SDK1: variants seen among roughly 807,000 people sequenced by gnomAD.
SDK1 encodes the protein sidekick cell adhesion molecule 1.
In SDK1, 157 loss-of-function variants were observed where a neutral mutation model predicts 245.5. The ratio of observed to expected loss-of-function variants is 0.64; its 90% CI spans 0.56 to 0.73. SDK1 has a LOEUF of 0.73. SDK1 is among the 30% of genes least tolerant of loss of function. SDK1 has a pLI of 0.00. For missense variants in SDK1, 3,583 were observed against 3,002.3 expected, an observed-to-expected ratio of 1.19 and a Z score of -4.52; for synonymous variants, 1,647 against 1,278.5, an observed-to-expected ratio of 1.29 and a Z score of -6.15.
intron 1 of SDK1, among the ~76,000 whole-genome samples, chr7:3,484,018 G>T (rs373793140): frequency 4.7e-4 from 71 of 152,268 alleles, no homozygotes; most frequent in Middle Eastern, 6.8e-3. Context: ...GGGTAATTGG[G>T]ATATCTGTCA....
intron 44 of SDK1, among the ~76,000 whole-genome samples, chr7:4,261,010 T>G (rs139477564): frequency 9.8e-5 from 15 of 152,302 alleles, no homozygotes; most frequent in Non-Finnish European, 2.1e-4. Context: ...TTATACTTAA[T>G]GTTCGGAGAA....
intron 1 of SDK1, among the ~76,000 whole-genome samples, chr7:3,599,423 T>C (rs879929320): frequency 6.6e-6 from 1 of 152,228 alleles, no homozygotes; most frequent in Non-Finnish European, 1.5e-5. Context: ...TCTGTGTCTG[T>C]CTTCTCATCT....
chr7:3,779,640 TAAG>T (rs1177048182), intron 4 of SDK1, among the ~76,000 whole-genome samples: 2 of 152,092 alleles, frequency 1.3e-5, no homozygotes, highest in African/African-American at 4.8e-5. Flanking sequence ...ATAATAAAGT[TAAG>T]ATGATGAGTC....
intron 4 of SDK1, among the ~76,000 whole-genome samples, chr7:3,780,760 C>A (rs775610683): frequency 2.0e-5 from 3 of 151,996 alleles, no homozygotes; most frequent in Non-Finnish European, 4.4e-5. Context: ...CACCTCCTGG[C>A]ATTTTGGATA....
chr7:3,444,398 A>C (rs1284618578), intron 1 of SDK1, among the ~76,000 whole-genome samples: 1 of 151,814 alleles, frequency 6.6e-6, no homozygotes, highest in African/African-American at 2.4e-5. Flanking sequence ...CTTCTTTCTT[A>C]TTTTTGTATT....
chr7:4,110,743 C>T lies in SDK1; in HGVS notation c.3405C>T (p.Ile1135=), dbSNP rs760999699. 35 of 1,613,224 alleles carry T rather than the reference C, an allele frequency of 2.2e-5. No homozygotes were observed. The East Asian group carries it at 7.6e-4, about 35-fold the overall frequency. ...AGCCTGATGCCCAGATGCTGGAGAT[C>T]CCAAACCTCACACCCTACACTCACT... ...ENEPDAQMLE[I]PNLTPYTHYR... Residue 1135 remains isoleucine, a synonymous_variant, in exon 23 of 45, where the codon ATC becomes ATT. Coordinates refer to ENST00000404826, the MANE Select transcript of SDK1 (RefSeq NM_152744.4).
chr7:4,076,854 C>T (rs929852360), intron 20 of SDK1, 144 bp from the exon 21 acceptor site: 3 of 659,976 alleles, frequency 4.5e-6, no homozygotes, highest in African/African-American at 3.6e-5. Flanking sequence ...TGTCTCATGT[C>T]AGTAGCACAG....
chr7:4,242,595 A>C (rs1377008351), intron 43 of SDK1, among the ~76,000 whole-genome samples: 1 of 151,922 alleles, frequency 6.6e-6, no homozygotes, highest in African/African-American at 2.4e-5. Flanking sequence ...GGAAGGAAAA[A>C]CCCAAACACC....
At chr7:3,662,736 A>G (rs571746464) in intron 4 of SDK1, among the ~76,000 whole-genome samples, 1 of 152,334 alleles carries the variant, frequency 6.6e-6, no homozygotes, top group South Asian at 2.1e-4. Flanking sequence ...ATACAGGTTG[A>G]GCATCCCACA....
intron 34 of SDK1, among the ~76,000 whole-genome samples, chr7:4,177,321 C>G (rs1435629424): frequency 6.6e-6 from 1 of 152,212 alleles, no homozygotes; most frequent in Non-Finnish European, 1.5e-5. Context: ...AAAAGCCAAG[C>G]CACCCACAGA....
intron 5 of SDK1, among the ~76,000 whole-genome samples, chr7:3,830,085 A>G (rs1443124557): frequency 2.6e-5 from 4 of 152,186 alleles, no homozygotes; most frequent in Non-Finnish European, 1.5e-5. Context: ...TATATGACTG[A>G]TGTGCGTGAT....
At chr7:4,017,542 G>A (rs901769824) in intron 17 of SDK1, among the ~76,000 whole-genome samples, 190 bp downstream of exon 17, 4 of 152,170 alleles carry the variant, frequency 2.6e-5, no homozygotes, top group Non-Finnish European at 4.4e-5. Flanking sequence ...ACCGTAGACA[G>A]GAGACAAATA....
At chr7:3,712,431 G>A (rs1380912338) in intron 4 of SDK1, among the ~76,000 whole-genome samples, 1 of 152,158 alleles carries the variant, frequency 6.6e-6, no homozygotes, top group Non-Finnish European at 1.5e-5. Context: ...ATGGTGAGTT[G>A]TATAACGATT....
chr7:3,973,399 G>C (rs879626492), intron 12 of SDK1, among the ~76,000 whole-genome samples: 2 of 152,228 alleles, frequency 1.3e-5, no homozygotes, highest in Non-Finnish European at 2.9e-5. Context: ...ATAGCAATGA[G>C]TGCTGGCCCT....
chr7:3,882,460 A>G (rs896309931), intron 5 of SDK1, among the ~76,000 whole-genome samples: 1 of 152,188 alleles, frequency 6.6e-6, no homozygotes, highest in Non-Finnish European at 1.5e-5. Flanking sequence ...CTCTTTTATC[A>G]TCTGACCCCA....
chr7:3,556,946 T>G (rs917917120), intron 1 of SDK1, among the ~76,000 whole-genome samples: 1 of 152,176 alleles, frequency 6.6e-6, no homozygotes, highest in Non-Finnish European at 1.5e-5. Flanking sequence ...ATATCTCATG[T>G]ACCCCTTAAA....
chr7:3,304,838 C>T (rs1779375615), intron 1 of SDK1, among the ~76,000 whole-genome samples: 2 of 152,178 alleles, frequency 1.3e-5, no homozygotes, highest in African/African-American at 4.8e-5. Flanking sequence ...TCACCTGGAG[C>T]TTTAAACTTC....
At chr7:3,495,808 G>A (rs911452719) in intron 1 of SDK1, among the ~76,000 whole-genome samples, 5 of 152,154 alleles carry the variant, frequency 3.3e-5, no homozygotes, top group Admixed American at 6.5e-5. Flanking sequence ...GCCTTTGCAC[G>A]AGCTGGTCCC....
intron 1 of SDK1, among the ~76,000 whole-genome samples, chr7:3,470,079 G>A (rs909393968): frequency 6.6e-6 from 1 of 152,130 alleles, no homozygotes; most frequent in Non-Finnish European, 1.5e-5. Context: ...CTGTGGAGAA[G>A]ATACTAGAGA....
Sources: allele counts gnomAD v4.1 joint callset (sites outside exome capture counted in the v4.1 genomes callset), GRCh38; gene constraint gnomAD v4.1.1; transcripts MANE v1.5; gene names NCBI Gene and HGNC (gene_info 2026-07-23, HGNC 2026-07-21).